Variants in CADPS2 observed in about 807,000 individuals in gnomAD.
CADPS2 encodes the protein calcium-dependent secretion activator 2.
In CADPS2, 93 loss-of-function variants were observed where a neutral mutation model predicts 172.5. The observed-to-expected ratio is 0.54, with a 90% CI of 0.46 to 0.64. CADPS2 has a LOEUF of 0.64. Among genes scored for constraint, CADPS2 ranks in the 30% least tolerant of loss-of-function variants. CADPS2 has a pLI of 0.00. For synonymous variants in CADPS2, 546 were observed against 555.2 expected, an observed-to-expected ratio of 0.98 and a Z score of 0.23; for missense variants, 1,420 against 1,565.9, an observed-to-expected ratio of 0.91 and a Z score of 1.57.
intron 2 of CADPS2, among the ~76,000 whole-genome samples, chr7:122,710,273 CA>C (rs1038827990): frequency 1.3e-5 from 2 of 152,006 alleles, no homozygotes; most frequent in African/African-American, 4.8e-5. Context: ...TTCCAATTCA[CA>C]GATCACAAAA....
At chr7:122,405,890 T>C (rs1420263720) in intron 20 of CADPS2, among the ~76,000 whole-genome samples, 1 of 152,220 alleles carries the variant, frequency 6.6e-6, no homozygotes, top group South Asian at 2.1e-4. Context: ...TGAGTTATCA[T>C]CTTATTTAAT....
chr7:122,390,201 G>A (rs187727078), intron 22 of CADPS2, among the ~76,000 whole-genome samples: 1 of 151,890 alleles, frequency 6.6e-6, no homozygotes, highest in Admixed American at 6.6e-5. Context: ...TCTCTTCACC[G>A]TAATATTCAG....
Position 122,438,516 on chromosome 7 carries a change from T to A in CADPS2, c.2353-52A>T. On this transcript the variant is annotated intron_variant, in intron 16 of 29. Transcript: ENST00000449022. ...AGGGGCAGGGTTGGGGATAGACAGA[T>A]GGAAGAAAAAAGACAGATGTTGCAT... 1.9e-6 allele frequency: 3 copies of A among 1,587,680 alleles called. No homozygotes were observed. In the Admixed American group the frequency reaches 5.3e-5, roughly 28 times the overall value.
chr7:122,659,198 T>C (rs1023751334), intron 3 of CADPS2, among the ~76,000 whole-genome samples: 2 of 151,510 alleles, frequency 1.3e-5, no homozygotes, highest in African/African-American at 2.4e-5. Context: ...TTTAGATTAC[T>C]ATTATTAATA....
chr7:122,485,951 C>A (rs1018559013), intron 11 of CADPS2, among the ~76,000 whole-genome samples: 2 of 152,068 alleles, frequency 1.3e-5, no homozygotes, highest in Non-Finnish European at 2.9e-5. Flanking sequence ...AAGAACAAGC[C>A]CAGATGATGG....
chr7:122,490,321 G>C (rs1563490509), intron 10 of CADPS2, 40 bp from the exon 11 acceptor site: 5 of 1,578,564 alleles, frequency 3.2e-6, no homozygotes, highest in Non-Finnish European at 3.5e-6. Context: ...AAATTTATAG[G>C]ATTGGCAGAT....
chr7:122,576,556 T>C (rs1412916747), intron 7 of CADPS2, among the ~76,000 whole-genome samples: 4 of 152,182 alleles, frequency 2.6e-5, no homozygotes, highest in Non-Finnish European at 1.5e-5. Flanking sequence ...GTACATTCTT[T>C]GTAACATAAA....
chr7:122,638,854 C>T (rs2077324353), intron 3 of CADPS2, among the ~76,000 whole-genome samples: 1 of 152,176 alleles, frequency 6.6e-6, no homozygotes, highest in South Asian at 2.1e-4. Flanking sequence ...CTTGATGCAT[C>T]CTGAATCCTG....
chr7:122,662,221 T>C (rs1193580459), intron 3 of CADPS2, among the ~76,000 whole-genome samples: 2 of 152,216 alleles, frequency 1.3e-5, no homozygotes, highest in African/African-American at 2.4e-5. Context: ...GTCAGAATTT[T>C]ATCAATTTAA....
chr7:122,645,669 A>ACATACTCCCAGTAATGCACTGATCAAC, intron 3 of CADPS2, among the ~76,000 whole-genome samples: 1 of 87,678 alleles, frequency 1.1e-5, no homozygotes, highest in South Asian at 5.4e-4. Context: ...ATATATATAT[A>ACATACTCCCAGTAATGCACTGATCAAC]TATATATATA....
chr7:122,480,665 T>C (rs533853799), intron 12 of CADPS2, among the ~76,000 whole-genome samples, 187 bp downstream of exon 12: 33 of 152,150 alleles, frequency 2.2e-4, no homozygotes, highest in Non-Finnish European at 3.7e-4. Flanking sequence ...AGATATTAGG[T>C]TGTTTCTACT....
At chr7:122,627,877 T>A (rs2076230091) in intron 4 of CADPS2, among the ~76,000 whole-genome samples, 1 of 152,188 alleles carries the variant, frequency 6.6e-6, no homozygotes, top group South Asian at 2.1e-4. Context: ...ATATTTTTCT[T>A]TCTAAAGGTT....
rs1229685650 is a variant in CADPS2, at chr7:122,480,853, T to C, written c.1860A>G (p.Lys620=). The C allele has an allele frequency of 8.6e-6, 13 of 1,520,460 alleles. No individual in the cohort carries two copies. Among genetic ancestry groups the C allele is most frequent in the Admixed American group, 2.0e-5 (1 of 49,790 alleles). The allele number at this position is 1,520,460 out of a possible 1,614,324, so 94.2% of individuals were successfully genotyped here. ...TLHADAQLSG[K]DADRFQKHGM... ...TTTAAAAATCATGAAAATACTTACCTTTACCAGCTACAGGTCAGCAAAGAA... is the reference window on the plus strand; with the variant it reads ...TTTAAAAATCATGAAAATACTTACCCTTACCAGCTACAGGTCAGCAAAGAA... The change falls in exon 12 of 30, where the codon AAA becomes AAG. Residue 620 remains lysine, a splice_region_variant and synonymous_variant. Transcript: ENST00000449022.
intron 11 of CADPS2, among the ~76,000 whole-genome samples, chr7:122,481,267 G>A (rs771406731): frequency 3.4e-5 from 5 of 149,170 alleles, no homozygotes; most frequent in African/African-American, 5.0e-5. Context: ...CCAGGTTCAC[G>A]TCAGCAGAGG....
intron 28 of CADPS2, among the ~76,000 whole-genome samples, chr7:122,334,968 T>C (rs1281891516): frequency 6.6e-6 from 1 of 152,202 alleles, no homozygotes; most frequent in African/African-American, 2.4e-5. Flanking sequence ...TTGATAAATA[T>C]AGGTTCAATT....
chr7:122,645,658 G>GATAGATAT (rs1243016464), intron 3 of CADPS2, among the ~76,000 whole-genome samples: 2 of 106,656 alleles, frequency 1.9e-5, no homozygotes, highest in South Asian at 3.6e-4. Flanking sequence ...ATATCTCTAA[G>GATAGATAT]ATATATATAT....
In CADPS2 at chr7:122,689,746, C is replaced by A. The variant is rs535866410; in HGVS notation, c.454-26177G>T. Among the ~76,000 whole-genome samples the A allele has an allele frequency of 1.8e-3, 268 of 152,272 alleles. 1 individual carries two copies. Among genetic ancestry groups the A allele is most frequent in the Middle Eastern group, 3.4e-3 (1 of 294 alleles). ...GGTAAGGCCGCTTATTCCACAACACCCTTGGTGTAGTGATCGTGTTATGTT... is the reference window on the plus strand; with the variant it reads ...GGTAAGGCCGCTTATTCCACAACACACTTGGTGTAGTGATCGTGTTATGTT... On this transcript the variant is annotated intron_variant, in intron 2 of 29. Transcript: ENST00000449022.
Position 122,387,248 on chromosome 7 carries a change from A to G in CADPS2, c.3165-75T>C, listed in dbSNP as rs1016975281. ...ACCTGTTTTGTAAAAAGTGAAATCA[A>G]CACTACAAGATGCTAATTTAAAACA... On this transcript the variant is annotated intron_variant, in intron 23 of 29. Coordinates refer to ENST00000449022, the MANE Select transcript of CADPS2 (RefSeq NM_017954.11). The G allele has an allele frequency of 1.2e-4, 170 of 1,399,406 alleles. No individual in the cohort carries two copies. The African/African-American group carries it at 1.5e-3, about 12-fold the overall frequency. The allele number at this position is 1,399,406 out of a possible 1,614,324, so 86.7% of individuals were successfully genotyped here. A position where few individuals can be genotyped will look rare whatever the true frequency, so the allele number is the denominator to read the frequency against.
At chr7:122,799,442 A>T (rs1159195087) in intron 1 of CADPS2, among the ~76,000 whole-genome samples, 1 of 151,834 alleles carries the variant, frequency 6.6e-6, no homozygotes, top group African/African-American at 2.4e-5. Flanking sequence ...TACTAAAAAT[A>T]CAAAAACAAA....
Sources: gnomAD v4.1 joint callset for allele counts (sites outside exome capture counted in the v4.1 genomes callset) on GRCh38, gnomAD v4.1.1 for gene constraint, MANE v1.5 for transcripts, NCBI Gene and HGNC (gene_info 2026-07-23, HGNC 2026-07-21) for gene names.